The following NTRK3 variants were observed in gnomAD, a reference collection of about 807,000 sequenced individuals.
NTRK3 encodes the protein NT-3 growth factor receptor.
Under a neutral mutation model 91.7 loss-of-function variants are expected in NTRK3, and 24 were observed. The ratio of observed to expected loss-of-function variants is 0.26; its 90% CI spans 0.19 to 0.37. The LOEUF is 0.37. Ranked by LOEUF, NTRK3 falls within the 10% of genes least tolerant of loss-of-function variation. The pLI is 1.00. For synonymous variants in NTRK3, 483 were observed against 404.0 expected (o/e 1.20, Z -2.34); for missense variants, 880 against 1,068.9 (o/e 0.82, Z 2.46).
rs61276149 is a variant in NTRK3, at chr15:88,165,856, A to AGTGTGTGT, written c.395+17554_395+17561dup. Among the ~76,000 whole-genome samples the AGTGTGTGT allele has an allele frequency of 3.3e-5, 5 of 150,580 alleles. No individual in the cohort carries two copies. The East Asian group carries it at 5.9e-4, about 18-fold the overall frequency. ...ATGACACTTGGCATGTGTTCACCTG[A>AGTGTGTGT]GTGTGTGTGTGTGTGTGTATGTGCA... On this transcript the variant is annotated intron_variant, in intron 5 of 18. Transcript: ENST00000394480.
At chr15:88,025,917 C>G (rs2077996575) in intron 14 of NTRK3, among the ~76,000 whole-genome samples, 1 of 152,248 alleles carries the variant, frequency 6.6e-6, no homozygotes, top group Admixed American at 6.5e-5. Flanking sequence ...TGGGATTGAG[C>G]CATCGCACTC....
At chr15:87,985,892 G>A (rs1474650842) in intron 14 of NTRK3, among the ~76,000 whole-genome samples, 10 of 152,256 alleles carry the variant, frequency 6.6e-5, no homozygotes, top group African/African-American at 1.9e-4. Context: ...GTGCTGGGGG[G>A]CCACCCACCA....
intron 14 of NTRK3, among the ~76,000 whole-genome samples, chr15:87,997,561 TA>T (rs1456462734): frequency 3.3e-5 from 5 of 152,104 alleles, no homozygotes; most frequent in Admixed American, 6.5e-5. Context: ...GAGCAGTAAA[TA>T]TTTTTTTTAT....
chr15:88,018,789 G>A (rs1177281709), intron 14 of NTRK3, among the ~76,000 whole-genome samples: 2 of 152,008 alleles, frequency 1.3e-5, no homozygotes, highest in Non-Finnish European at 2.9e-5. Flanking sequence ...ACTGATTTTG[G>A]TGCCTAAGAT....
At chr15:87,974,379 G>A (rs190642559) in intron 14 of NTRK3, among the ~76,000 whole-genome samples, 92 of 152,294 alleles carry the variant, frequency 6.0e-4, no homozygotes, top group Admixed American at 1.6e-3. Flanking sequence ...TTTGAGGTGC[G>A]TTGAAGAAAG....
chr15:88,074,279 T>C (rs957948168), intron 13 of NTRK3, among the ~76,000 whole-genome samples: 26 of 152,254 alleles, frequency 1.7e-4, no homozygotes, highest in African/African-American at 5.3e-4. Context: ...AGGTGGCCTC[T>C]GGTCCAGCTC....
chr15:88,036,422 TAA>T lies in NTRK3; in HGVS notation c.1397-3379_1397-3378del, dbSNP rs35431872. Among the ~76,000 whole-genome samples the T allele has an allele frequency of 8.3e-4, 118 of 142,078 alleles. 1 individual carries two copies. The highest frequency in any genetic ancestry group is 6.3e-3 in the East Asian group (31 of 4,926). 93.2% of individuals were successfully genotyped at this position (142,078 alleles called of 152,430 possible). A position where few individuals can be genotyped will look rare whatever the true frequency, so the allele number is the denominator to read the frequency against. ...ACTTTTTAACCTGGAAATCTACACC[TAA>T]AAAAAAAAAAAATCAATCCACTCTA... On this transcript the variant is annotated intron_variant, in intron 13 of 18. Transcript: ENST00000394480.
chr15:88,225,633 C>A (rs2050605881), intron 3 of NTRK3, among the ~76,000 whole-genome samples: 1 of 152,138 alleles, frequency 6.6e-6, no homozygotes. Context: ...ATCCACAGTT[C>A]CGATTCACAA....
chr15:88,162,776 C>T (rs2044584854), intron 5 of NTRK3, among the ~76,000 whole-genome samples: 1 of 152,184 alleles, frequency 6.6e-6, no homozygotes, highest in African/African-American at 2.4e-5. Flanking sequence ...ATGCAACGCC[C>T]CAGCTTCCTC....
Position 88,152,703 on chromosome 15 carries a change from C to T in NTRK3, c.396-5300G>A, listed in dbSNP as rs151326003. Reference sequence around the variant, plus strand: ...CCCCTCATTTGCCCTGAGGCCTTAACGGCCAAGTTGGCTGCCTCACTGTGA... The same window carrying T: ...CCCCTCATTTGCCCTGAGGCCTTAATGGCCAAGTTGGCTGCCTCACTGTGA... On this transcript the variant is annotated intron_variant, in intron 5 of 18. Coordinates refer to ENST00000394480, the Ensembl canonical transcript of NTRK3. Among the ~76,000 whole-genome samples, 436 of 152,356 alleles carry T rather than the reference C, an allele frequency of 2.9e-3. 3 individuals carry two copies. The Middle Eastern group carries it at 0.031, about 11-fold the overall frequency.
intron 16 of NTRK3, among the ~76,000 whole-genome samples, chr15:87,932,392 C>T (rs572858340): frequency 9.2e-5 from 14 of 152,118 alleles, no homozygotes; most frequent in African/African-American, 3.1e-4. Flanking sequence ...GGAACTAGTG[C>T]GACTGAATTT....
intron 5 of NTRK3, among the ~76,000 whole-genome samples, chr15:88,169,979 T>C (rs2045354076): frequency 6.6e-6 from 1 of 152,022 alleles, no homozygotes; most frequent in South Asian, 2.1e-4. Context: ...ATAGTAAGCA[T>C]CTCTACACGC....
chr15:87,981,523 A>G (rs1167129727), intron 14 of NTRK3, among the ~76,000 whole-genome samples: 2 of 152,204 alleles, frequency 1.3e-5, no homozygotes, highest in South Asian at 4.1e-4. Flanking sequence ...CAGCTGGTTT[A>G]TTTTACGCAT....
chr15:87,915,183 A>G (rs975768922), intron 17 of NTRK3, among the ~76,000 whole-genome samples: 9 of 152,224 alleles, frequency 5.9e-5, no homozygotes, highest in African/African-American at 2.2e-4. Flanking sequence ...TCCATTATGC[A>G]TATGCATATA....
intron 5 of NTRK3, among the ~76,000 whole-genome samples, chr15:88,180,050 T>C (rs2046324285): frequency 6.6e-6 from 1 of 152,158 alleles, no homozygotes; most frequent in Non-Finnish European, 1.5e-5. Context: ...CCAGGAATAA[T>C]AACAATAATT....
intron 14 of NTRK3, among the ~76,000 whole-genome samples, chr15:87,959,841 G>A (rs1480672719): frequency 6.6e-6 from 1 of 152,216 alleles, no homozygotes; most frequent in Non-Finnish European, 1.5e-5. Context: ...GCCAAATGTG[G>A]AAGCTCCGTC....
At chr15:87,895,911 T>G (rs931401099) in intron 17 of NTRK3, among the ~76,000 whole-genome samples, 1 of 152,120 alleles carries the variant, frequency 6.6e-6, no homozygotes, top group African/African-American at 2.4e-5. Flanking sequence ...GATCTTCAGA[T>G]AAATTCAACC....
chr15:87,986,885 C>T (rs1242132927), intron 14 of NTRK3, among the ~76,000 whole-genome samples: 1 of 152,228 alleles, frequency 6.6e-6, no homozygotes, highest in Non-Finnish European at 1.5e-5. Context: ...CCAGTATAGT[C>T]TGAAGGCAGC....
chr15:87,867,430 G>A (rs544147359), exon 19 of NTRK3: 1 of 229,804 alleles, frequency 4.4e-6, no homozygotes, highest in Non-Finnish European at 8.6e-6. Context: ...AAACAAAAAT[G>A]GGACTGACTC....
Sources: gnomAD v4.1 joint callset for allele counts (sites outside exome capture counted in the v4.1 genomes callset) on GRCh38, gnomAD v4.1.1 for gene constraint, MANE v1.5 for transcripts, NCBI Gene and HGNC (gene_info 2026-07-23, HGNC 2026-07-21) for gene names.